Variants in KCNIP4 observed in about 807,000 individuals in gnomAD.
KCNIP4 encodes Kv channel-interacting protein 4.
In KCNIP4, 12 loss-of-function variants were observed where a neutral mutation model predicts 34.0. That is an observed-to-expected ratio of 0.35 (90% confidence interval 0.23 to 0.57). KCNIP4 has a LOEUF of 0.57. Ranked by LOEUF, KCNIP4 falls within the 20% of genes least tolerant of loss-of-function variation. The pLI is 0.83. For missense variants in KCNIP4, 238 were observed against 311.7 expected (o/e 0.76, Z 1.78); for synonymous variants, 124 against 102.2 (o/e 1.21, Z -1.29).
At chr4:21,391,189 C>T (rs1033063540) in intron 1 of KCNIP4, among the ~76,000 whole-genome samples, 2 of 152,126 alleles carry the variant, frequency 1.3e-5, no homozygotes, top group East Asian at 3.9e-4. Context: ...AATTTCTATA[C>T]TTAGTCAGTA....
At chr4:21,538,190 T>A (rs968145751) in intron 1 of KCNIP4, among the ~76,000 whole-genome samples, 6 of 151,934 alleles carry the variant, frequency 3.9e-5, no homozygotes, top group African/African-American at 1.5e-4. Context: ...AAAGGAGACT[T>A]CTACAGCATG....
At chr4:21,667,812 A>G (rs1404320306) in intron 1 of KCNIP4, among the ~76,000 whole-genome samples, 1 of 152,238 alleles carries the variant, frequency 6.6e-6, no homozygotes, top group Non-Finnish European at 1.5e-5. Context: ...ATCACATTGG[A>G]CATTGATGGA....
intron 1 of KCNIP4, among the ~76,000 whole-genome samples, chr4:21,670,850 G>T (rs1008296939): frequency 1.3e-5 from 2 of 151,960 alleles, no homozygotes; most frequent in African/African-American, 4.8e-5. Flanking sequence ...TAGAGACGGG[G>T]TTTCACTGTG....
intron 1 of KCNIP4, among the ~76,000 whole-genome samples, chr4:21,725,693 T>C (rs115737362): frequency 0.03 from 4,550 of 152,248 alleles, 211 homozygotes; most frequent in African/African-American, 0.1. Flanking sequence ...CAACTTTGTT[T>C]GGCAATATTT....
intron 1 of KCNIP4, among the ~76,000 whole-genome samples, chr4:21,621,662 C>CT (rs1465070547): frequency 2.0e-5 from 3 of 151,898 alleles, no homozygotes; most frequent in African/African-American, 4.8e-5. Context: ...TCGGCCACTT[C>CT]TTTTTTTTAA....
chr4:21,287,620 G>T (rs1002438573), intron 1 of KCNIP4, among the ~76,000 whole-genome samples: 5 of 152,156 alleles, frequency 3.3e-5, no homozygotes, highest in African/African-American at 1.2e-4. Context: ...AGTTACTTAC[G>T]TAAGGAAGTT....
At chr4:21,100,341 A>T (rs568241086) in intron 1 of KCNIP4, among the ~76,000 whole-genome samples, 8 of 152,280 alleles carry the variant, frequency 5.3e-5, no homozygotes, top group African/African-American at 1.9e-4. Context: ...ACTTGAGGTC[A>T]GGAGTTCAAG....
chr4:21,791,808 C>A lies in KCNIP4; in HGVS notation c.61+156763G>T, dbSNP rs180828646. On this transcript the variant is annotated intron_variant, in intron 1 of 8. Coordinates refer to ENST00000382152, the MANE Select transcript of KCNIP4 (RefSeq NM_025221.6). ...CCTGAGGTCAGGAGTTTGAGACCAG[C>A]CTGGCCAACATGGTGAAACCCCTTC... Among the ~76,000 whole-genome samples the A allele has an allele frequency of 8.7e-3, 1,328 of 152,008 alleles. 21 individuals are homozygous for A. Among genetic ancestry groups the A allele is most frequent in the African/African-American group, 0.03 (1,263 of 41,446 alleles).
chr4:21,343,988 GGTCT>G (rs1168905489), intron 1 of KCNIP4, among the ~76,000 whole-genome samples: 2 of 152,056 alleles, frequency 1.3e-5, no homozygotes, highest in Admixed American at 1.3e-4. Context: ...TCAAGTCTCT[GGTCT>G]GTCTCATTGC....
chr4:21,755,122 G>C (rs913220932), intron 1 of KCNIP4, among the ~76,000 whole-genome samples: 1 of 152,180 alleles, frequency 6.6e-6, no homozygotes, highest in South Asian at 2.1e-4. Flanking sequence ...AGTGGAGACA[G>C]AGCAAGACAC....
At chr4:21,433,434 C>T (rs1726673074) in intron 1 of KCNIP4, among the ~76,000 whole-genome samples, 1 of 152,102 alleles carries the variant, frequency 6.6e-6, no homozygotes, top group Non-Finnish European at 1.5e-5. Context: ...AGACCCCCAT[C>T]TCTATTAAAA....
rs140885385 is a variant in KCNIP4 at position 21,784,937 on chromosome 4, T to G, written c.61+163634A>C. 2.0e-5 allele frequency among the ~76,000 whole-genome samples: 3 copies of G among 152,336 alleles called. No homozygotes were observed. The East Asian group carries it at 5.8e-4, about 29-fold the overall frequency. ...GTCATTTCTTGCATGCAAACAGTCTTTTAAGCTAAAATAGCTGATGTACAG... is the reference window on the plus strand; with the variant it reads ...GTCATTTCTTGCATGCAAACAGTCTGTTAAGCTAAAATAGCTGATGTACAG... On this transcript the variant is annotated intron_variant, in intron 1 of 8. Transcript: ENST00000382152.
At chr4:21,683,141 C>T (rs1200039366) in intron 1 of KCNIP4, among the ~76,000 whole-genome samples, 1 of 152,166 alleles carries the variant, frequency 6.6e-6, no homozygotes, top group Non-Finnish European at 1.5e-5. Context: ...TGTCAAGCTC[C>T]TTTATGGTGC....
At chr4:21,815,104 C>G (rs908865973) in intron 1 of KCNIP4, among the ~76,000 whole-genome samples, 1 of 152,110 alleles carries the variant, frequency 6.6e-6, no homozygotes, top group African/African-American at 2.4e-5. Context: ...ATAAGGAATG[C>G]TATGAGGATC....
At chr4:21,899,514 A>G (rs1398521473) in intron 1 of KCNIP4, among the ~76,000 whole-genome samples, 2 of 152,044 alleles carry the variant, frequency 1.3e-5, no homozygotes, top group Non-Finnish European at 2.9e-5. Context: ...TTTGAAGATA[A>G]TATGATCTTA....
chr4:20,898,277 A>G lies in KCNIP4; in HGVS notation c.62-15568T>C, dbSNP rs376066602. 2.0e-5 allele frequency among the ~76,000 whole-genome samples: 3 copies of G among 152,104 alleles called. No individual in the cohort carries two copies. In the East Asian group the frequency reaches 5.8e-4, roughly 29 times the overall value. ...TTTGGTCTTCGTAATCATGTGAGCC[A>G]ATTCCCATAATAAATCAACCTCTTT... On this transcript the variant is annotated intron_variant, in intron 1 of 8. Coordinates refer to ENST00000382152, the MANE Select transcript of KCNIP4 (RefSeq NM_025221.6).
Position 20,859,779 on chromosome 4 carries a change from C to T in KCNIP4, c.164-9112G>A, listed in dbSNP as rs116679239. ...AATCATGCCATCCAGAACACTACTA[C>T]GGAACATCTTGCCTTACGAACAAAT... On this transcript the variant is annotated intron_variant, in intron 2 of 8. Coordinates refer to ENST00000382152, the MANE Select transcript of KCNIP4 (RefSeq NM_025221.6). 9.4e-3 allele frequency among the ~76,000 whole-genome samples: 1,424 copies of T among 152,296 alleles called. 28 individuals are homozygous for T. Among genetic ancestry groups the T allele is most frequent in the African/African-American group, 0.033 (1,361 of 41,562 alleles).
At chr4:21,875,903 T>A (rs1482967905) in intron 1 of KCNIP4, among the ~76,000 whole-genome samples, 1 of 152,190 alleles carries the variant, frequency 6.6e-6, no homozygotes, top group Non-Finnish European at 1.5e-5. Flanking sequence ...TACAAGCTTA[T>A]TGACTTAGAG....
intron 1 of KCNIP4, among the ~76,000 whole-genome samples, chr4:21,338,590 GA>G (rs1716423430): frequency 6.6e-6 from 1 of 150,644 alleles, no homozygotes; most frequent in Non-Finnish European, 1.5e-5. Flanking sequence ...CTAGGTGACA[GA>G]GTGAGACTCT....
Sources: allele counts gnomAD v4.1 joint callset (sites outside exome capture counted in the v4.1 genomes callset), GRCh38; gene constraint gnomAD v4.1.1; transcripts MANE v1.5; gene names NCBI Gene and HGNC (gene_info 2026-07-23, HGNC 2026-07-21).